The following FSHR variants were observed in gnomAD, a reference collection of about 807,000 sequenced individuals.
FSHR encodes follicle-stimulating hormone receptor.
FSHR carries 46 observed loss-of-function variants against 52.1 expected under a neutral mutation model. The ratio of observed to expected loss-of-function variants is 0.88; its 90% CI spans 0.70 to 1.13. The LOEUF (loss-of-function observed/expected upper bound fraction) is 1.13, where lower values mean the gene tolerates loss of function less well. FSHR is among the 50% of genes most tolerant of loss of function. FSHR has a pLI of 0.00. For missense variants in FSHR, 964 were observed against 834.6 expected (o/e 1.16, Z -1.91); for synonymous variants, 399 against 309.6 (o/e 1.29, Z -3.03).
intron 1 of FSHR, among the ~76,000 whole-genome samples, chr2:49,088,103 A>G (rs1308335541): frequency 6.6e-6 from 1 of 152,160 alleles, no homozygotes. Context: ...TATTTACTTG[A>G]TCAAGGACAC....
intron 1 of FSHR, among the ~76,000 whole-genome samples, chr2:49,128,257 C>G (rs1178019123): frequency 6.6e-6 from 1 of 151,980 alleles, no homozygotes; most frequent in Admixed American, 6.6e-5. Context: ...GCATACTGAA[C>G]AGACACTTGT....
chr2:49,115,805 T>C (rs1558449402), intron 1 of FSHR, among the ~76,000 whole-genome samples: 1 of 152,142 alleles, frequency 6.6e-6, no homozygotes, highest in Non-Finnish European at 1.5e-5. Context: ...GGAGCTAAAA[T>C]GATGAATATG....
intron 2 of FSHR, among the ~76,000 whole-genome samples, chr2:49,045,941 T>C (rs1455839584): frequency 1.3e-5 from 2 of 152,220 alleles, no homozygotes; most frequent in Non-Finnish European, 2.9e-5. Flanking sequence ...AAGATCTAAT[T>C]TCTTTTAATA....
chr2:49,037,583 T>C (rs183240935), intron 2 of FSHR, among the ~76,000 whole-genome samples: 387 of 152,024 alleles, frequency 2.5e-3, no homozygotes, highest in Non-Finnish European at 3.5e-3. Flanking sequence ...ATAAGAAAAT[T>C]TGAAGAAGAA....
At chr2:49,074,439 G>A (rs910074171) in intron 1 of FSHR, among the ~76,000 whole-genome samples, 1 of 152,008 alleles carries the variant, frequency 6.6e-6, no homozygotes, top group Non-Finnish European at 1.5e-5. Context: ...TGATCATCAG[G>A]AAAATTCAAA....
chr2:49,081,140 G>T (rs968066976), intron 1 of FSHR, among the ~76,000 whole-genome samples: 1 of 151,984 alleles, frequency 6.6e-6, no homozygotes, highest in African/African-American at 2.4e-5. Flanking sequence ...TGGGTTCTGT[G>T]AGTATAACAA....
At position 48,965,638 on chromosome 2, in the gene FSHR, T is replaced by C. The variant is rs527812585; in HGVS notation, c.855-1672A>G. Among the ~76,000 whole-genome samples, 9 of 152,314 alleles carry C rather than the reference T, an allele frequency of 5.9e-5. No homozygotes were observed. The East Asian group carries it at 1.5e-3, about 26-fold the overall frequency. On this transcript the variant is annotated intron_variant, in intron 9 of 9. Coordinates refer to ENST00000406846, the MANE Select transcript of FSHR (RefSeq NM_000145.4). ...TACTTGCTGACTGCAGTTTGGTTCA[T>C]TGGACTGAGCTCTGACTTAACTCTC...
At chr2:49,130,980 T>A (rs1184800667) in intron 1 of FSHR, among the ~76,000 whole-genome samples, 1 of 152,132 alleles carries the variant, frequency 6.6e-6, no homozygotes, top group African/African-American at 2.4e-5. Flanking sequence ...TACAAAAAAA[T>A]TGATAAATTG....
At chr2:49,059,596 C>T (rs1398838832) in intron 2 of FSHR, 1 of 152,592 alleles carries the variant, frequency 6.6e-6, no homozygotes, top group East Asian at 1.9e-4. Context: ...TACTATTAGG[C>T]TGGTGCAAAG....
At chr2:49,137,235 G>T (rs575318302) in intron 1 of FSHR, among the ~76,000 whole-genome samples, 1 of 151,942 alleles carries the variant, frequency 6.6e-6, no homozygotes, top group South Asian at 2.1e-4. Context: ...AAAAATAAGA[G>T]AAAAATTTCA....
chr2:49,072,885 T>A (rs1041086514), intron 1 of FSHR, among the ~76,000 whole-genome samples: 2 of 152,176 alleles, frequency 1.3e-5, no homozygotes, highest in Admixed American at 1.3e-4. Flanking sequence ...CACTTAACAT[T>A]GTAAACTCTG....
At chr2:49,106,495 G>C (rs191634359) in intron 1 of FSHR, among the ~76,000 whole-genome samples, 14 of 152,164 alleles carry the variant, frequency 9.2e-5, no homozygotes, top group African/African-American at 3.1e-4. Flanking sequence ...GATGGTTCCT[G>C]CCATTCAGGG....
chr2:48,998,214 T>C (rs866290470), intron 4 of FSHR, among the ~76,000 whole-genome samples: 3 of 152,078 alleles, frequency 2.0e-5, no homozygotes, highest in Non-Finnish European at 4.4e-5. Flanking sequence ...ACAAAGCAGA[T>C]ATTTTCTAAT....
chr2:49,062,270 A>G (rs959048005), intron 2 of FSHR, among the ~76,000 whole-genome samples: 6 of 152,206 alleles, frequency 3.9e-5, no homozygotes, highest in Admixed American at 2.6e-4. Context: ...ACATATTTAT[A>G]GTGAAGTGAT....
chr2:49,028,862 G>C (rs1386834544), intron 2 of FSHR, among the ~76,000 whole-genome samples: 1 of 152,188 alleles, frequency 6.6e-6, no homozygotes, highest in African/African-American at 2.4e-5. Flanking sequence ...TACCAACCCA[G>C]ACCACTCGAT....
chr2:49,014,869 A>G (rs1412005798), intron 4 of FSHR: 2 of 467,940 alleles, frequency 4.3e-6, no homozygotes, highest in Non-Finnish European at 8.8e-6. Flanking sequence ...TGTCCTAGAG[A>G]GCATTTGTTC....
At chr2:49,025,988 G>A (rs1667899666) in intron 2 of FSHR, among the ~76,000 whole-genome samples, 1 of 152,178 alleles carries the variant, frequency 6.6e-6, no homozygotes, top group Non-Finnish European at 1.5e-5. Flanking sequence ...GGTGTGGTGA[G>A]GATGTTGCCA....
intron 1 of FSHR, among the ~76,000 whole-genome samples, chr2:49,107,245 C>T (rs1330178544): frequency 6.6e-6 from 1 of 152,038 alleles, no homozygotes; most frequent in Admixed American, 6.6e-5. Context: ...TGTTCCCTCT[C>T]CTTGAAATGG....
intron 2 of FSHR, among the ~76,000 whole-genome samples, chr2:49,032,095 C>T (rs1558401324): frequency 6.6e-6 from 1 of 152,132 alleles, no homozygotes; most frequent in Admixed American, 6.5e-5. Context: ...ATACTTTACC[C>T]TCCCACCTGA....
Sources: allele counts gnomAD v4.1 joint callset (sites outside exome capture counted in the v4.1 genomes callset), GRCh38; gene constraint gnomAD v4.1.1; transcripts MANE v1.5; gene names NCBI Gene and HGNC (gene_info 2026-07-23, HGNC 2026-07-21).